The following MYO1E variants were observed in gnomAD, a reference collection of about 807,000 sequenced individuals.
MYO1E encodes unconventional myosin-Ie.
MYO1E carries 68 observed loss-of-function variants against 151.1 expected under a neutral mutation model. That is an observed-to-expected ratio of 0.45 (90% CI 0.37 to 0.55). The LOEUF (loss-of-function observed/expected upper bound fraction) is 0.55, where lower values mean the gene tolerates loss of function less well. MYO1E is among the 20% of genes least tolerant of loss of function. The pLI, the probability that MYO1E is intolerant of heterozygous loss-of-function variation, is 0.00. For synonymous variants in MYO1E, 601 were observed against 501.7 expected, an observed-to-expected ratio of 1.20 and a Z score of -2.64; for missense variants, 1,363 against 1,389.3, an observed-to-expected ratio of 0.98 and a Z score of 0.30.
At chr15:59,242,043 A>T (rs1275918926) in intron 4 of MYO1E, among the ~76,000 whole-genome samples, 1 of 152,176 alleles carries the variant, frequency 6.6e-6, no homozygotes, top group Non-Finnish European at 1.5e-5. Flanking sequence ...CAAGACAGTG[A>T]CCTTGGGTTC....
chr15:59,198,452 T>C (rs1213154002), intron 16 of MYO1E, among the ~76,000 whole-genome samples: 1 of 152,206 alleles, frequency 6.6e-6, no homozygotes, highest in Non-Finnish European at 1.5e-5. Flanking sequence ...CTCAGTTCTC[T>C]ATCTGTAAAC....
At chr15:59,160,738 T>G (rs1248723660) in intron 24 of MYO1E, among the ~76,000 whole-genome samples, 1 of 151,908 alleles carries the variant, frequency 6.6e-6, no homozygotes. Flanking sequence ...TCTTTAAAGG[T>G]GGCATAGAGG....
intron 25 of MYO1E, among the ~76,000 whole-genome samples, chr15:59,156,951 A>G (rs1207872453): frequency 6.6e-6 from 1 of 152,104 alleles, no homozygotes; most frequent in Non-Finnish European, 1.5e-5. Context: ...GGCCAGGTGC[A>G]GTGGCTCACA....
intron 2 of MYO1E, among the ~76,000 whole-genome samples, chr15:59,267,408 G>C (rs910756289): frequency 1.3e-5 from 2 of 152,218 alleles, no homozygotes; most frequent in African/African-American, 4.8e-5. Context: ...CATCCCTGAG[G>C]TGGCACAGGG....
intron 2 of MYO1E, among the ~76,000 whole-genome samples, chr15:59,263,993 T>A (rs1320307386): frequency 6.6e-6 from 1 of 152,170 alleles, no homozygotes; most frequent in African/African-American, 2.4e-5. Context: ...ATTAAACACA[T>A]ATACATTTAC....
chr15:59,175,848 A>T (rs1164575358), intron 19 of MYO1E, among the ~76,000 whole-genome samples: 1 of 152,098 alleles, frequency 6.6e-6, no homozygotes, highest in African/African-American at 2.4e-5. Flanking sequence ...TGGATTTTAG[A>T]TTTCTTTTTA....
In MYO1E at chr15:59,214,253, A is replaced by G. The variant is rs1483543816; in HGVS notation, c.1250T>C (p.Ile417Thr). Residue 417 changes from isoleucine to threonine, a missense_variant, in exon 12 of 28, where the codon ATT becomes ACT. Coordinates refer to ENST00000288235, the MANE Select transcript of MYO1E (RefSeq NM_004998.4). ...CTGTTCTGCCTTTAATGTCAGTTCA[A>G]TAAAAATCTGCTGCAGTTTTTCATT... ...FVNEKLQQIF[I>T]ELTLKAEQEE... 1 of 1,613,244 alleles carries G rather than the reference A, an allele frequency of 6.2e-7. No individual in the cohort carries two copies. Among genetic ancestry groups the G allele is most frequent in the African/African-American group, 1.3e-5 (1 of 74,926 alleles).
intron 18 of MYO1E, among the ~76,000 whole-genome samples, chr15:59,179,792 TTATGTCAGAGGCTGA>T: frequency 6.6e-6 from 1 of 152,380 alleles, no homozygotes; most frequent in East Asian, 1.9e-4. Flanking sequence ...AACATTACTA[TTATGTCAGAGGCTGA>T]TATAATCAAG....
chr15:59,320,383 A>C (rs1438044347), intron 1 of MYO1E, among the ~76,000 whole-genome samples: 5 of 152,250 alleles, frequency 3.3e-5, no homozygotes, highest in African/African-American at 1.2e-4. Flanking sequence ...AGCAAAAAAG[A>C]ATAAAGCCAG....
intron 17 of MYO1E, among the ~76,000 whole-genome samples, chr15:59,193,085 G>T (rs1243554868): frequency 6.6e-6 from 1 of 152,192 alleles, no homozygotes; most frequent in Non-Finnish European, 1.5e-5. Flanking sequence ...CTTTGCTCTA[G>T]ATCAGTGATT....
intron 1 of MYO1E, among the ~76,000 whole-genome samples, chr15:59,305,135 C>T (rs1223799561): frequency 6.6e-6 from 1 of 152,234 alleles, no homozygotes; most frequent in Non-Finnish European, 1.5e-5. Flanking sequence ...CAAACAACTG[C>T]CTCTAAGCAG....
chr15:59,159,029 A>G lies in MYO1E; in HGVS notation c.2786-650T>C, dbSNP rs562220840. Among the ~76,000 whole-genome samples the G allele has an allele frequency of 7.2e-5, 11 of 152,342 alleles. No individual in the cohort carries two copies. The highest frequency in any genetic ancestry group is 2.6e-4 in the African/African-American group (11 of 41,584). On this transcript the variant is annotated intron_variant, in intron 24 of 27. Transcript: ENST00000288235. This position sits in a 1 kb window ranked among gnomAD's most constrained non-coding sequence, Gnocchi z 4.4. ...GACATCTATGTGGGGAAGAAAAACAATAGGGTCTTGAATGGAACAGGAAGG... is the reference window on the plus strand; with the variant it reads ...GACATCTATGTGGGGAAGAAAAACAGTAGGGTCTTGAATGGAACAGGAAGG...
intron 4 of MYO1E, among the ~76,000 whole-genome samples, chr15:59,247,550 C>T (rs976186792): frequency 6.6e-6 from 1 of 152,134 alleles, no homozygotes; most frequent in African/African-American, 2.4e-5. Flanking sequence ...ACAACCTATA[C>T]GAAAGCAACC....
intron 26 of MYO1E, 43 bp from the exon 27 acceptor site, chr15:59,138,410 G>A (rs559760588): frequency 1.2e-6 from 2 of 1,608,504 alleles, no homozygotes; most frequent in East Asian, 2.2e-5. Flanking sequence ...CCCAACAGGG[G>A]GCAGCAGCAC....
intron 1 of MYO1E, among the ~76,000 whole-genome samples, chr15:59,358,765 G>C (rs2080868491): frequency 6.6e-6 from 1 of 152,180 alleles, no homozygotes; most frequent in Non-Finnish European, 1.5e-5. Context: ...TGTGATCACA[G>C]AAAAATTTAC....
chr15:59,286,208 G>A (rs1055129016), intron 1 of MYO1E, among the ~76,000 whole-genome samples: 1 of 152,160 alleles, frequency 6.6e-6, no homozygotes, highest in Non-Finnish European at 1.5e-5. Context: ...CAAAAAGTCA[G>A]GACTTCCTAT....
chr15:59,289,859 A>C (rs1178203753), intron 1 of MYO1E, among the ~76,000 whole-genome samples: 2 of 152,196 alleles, frequency 1.3e-5, no homozygotes, highest in Non-Finnish European at 2.9e-5. Flanking sequence ...ACAACTCCCT[A>C]GAAAATCCAA....
chr15:59,170,426 A>C (rs953245926), intron 22 of MYO1E, among the ~76,000 whole-genome samples: 1 of 152,176 alleles, frequency 6.6e-6, no homozygotes. Flanking sequence ...ATGCAATGAC[A>C]AACAAAGCAG....
At chr15:59,223,438 C>T (rs966684935) in intron 8 of MYO1E, among the ~76,000 whole-genome samples, 3 of 152,192 alleles carry the variant, frequency 2.0e-5, no homozygotes, top group East Asian at 1.9e-4. Context: ...ATTCTTCTCA[C>T]GTCTCAAAGT....
Sources: gnomAD v4.1 joint callset for allele counts (sites outside exome capture counted in the v4.1 genomes callset) on GRCh38, gnomAD v4.1.1 for gene constraint, Gnocchi (gnomAD v3.1) non-coding constraint, MANE v1.5 for transcripts, NCBI Gene and HGNC (gene_info 2026-07-23, HGNC 2026-07-21) for gene names.